The following CD99 variants were observed in gnomAD, a reference collection of about 807,000 sequenced individuals.
The protein encoded by CD99 is CD99 molecule (Xg blood group).
CD99 carries 19 observed loss-of-function variants against 28.4 expected under a neutral mutation model. The ratio of observed to expected loss-of-function variants is 0.67; its 90% CI spans 0.47 to 0.98. The LOEUF (loss-of-function observed/expected upper bound fraction) is 0.98. Among genes scored for constraint, CD99 ranks in the 50% least tolerant of loss-of-function variants. The pLI is 0.00. For synonymous variants in CD99, 103 were observed against 92.1 expected (o/e 1.12, Z -0.67); for missense variants, 283 against 248.8 (o/e 1.14, Z -0.92).
chrX:2,715,821 C>G (rs1259036756), intron 2 of CD99, among the ~76,000 whole-genome samples: 1 of 152,094 alleles, frequency 6.6e-6, no homozygotes, highest in South Asian at 2.1e-4. Context: ...ACGCTGGTCT[C>G]TTCCCTGTGT....
rs1016779751 is a variant in CD99, at chrX:2,713,155, T to C, written c.68-1267T>C. Among the ~76,000 whole-genome samples the C allele has an allele frequency of 5.3e-5, 8 of 151,242 alleles. 1 individual carries two copies. The highest frequency in any genetic ancestry group is 1.2e-4 in the Non-Finnish European group (8 of 67,864). ...ATACACACACAAACCCACATATACA[T>C]GCACCTACACACATGCACACATAAC... On this transcript the variant is annotated intron_variant, in intron 1 of 9. Transcript: ENST00000381192.
intron 1 of CD99, among the ~76,000 whole-genome samples, chrX:2,712,042 GAAA>G (rs1024574138): frequency 1.3e-5 from 2 of 151,952 alleles, no homozygotes; most frequent in African/African-American, 4.8e-5. Context: ...GTCTCAAAAA[GAAA>G]AAAGAAGGAA....
In CD99 at chrX:2,741,062, G is replaced by A; in HGVS notation, c.*258G>A. On this transcript the variant is annotated 3_prime_UTR_variant, in exon 10 of 10. Coordinates refer to ENST00000381192, the MANE Select transcript of CD99 (RefSeq NM_002414.5). Reference sequence around the variant, plus strand: ...CCGGGGGGGCGGTTTCCCATGGGATGTGAAAGGCTGGCCATTATTAAGTCC... The same window carrying A: ...CCGGGGGGGCGGTTTCCCATGGGATATGAAAGGCTGGCCATTATTAAGTCC... 1 of 543,848 alleles carries A rather than the reference G, an allele frequency of 1.8e-6. No homozygotes were observed. Among genetic ancestry groups the A allele is most frequent in the Non-Finnish European group, 3.3e-6 (1 of 304,192 alleles). 33.7% of individuals were successfully genotyped at this position (543,848 alleles called of 1,614,324 possible).
At chrX:2,703,646 G>A (rs1270644913) in intron 1 of CD99, among the ~76,000 whole-genome samples, 1 of 147,926 alleles carries the variant, frequency 6.8e-6, no homozygotes, top group Non-Finnish European at 1.5e-5. Context: ...GTGTGTGTGT[G>A]TGTGTTGGCC....
intron 1 of CD99, among the ~76,000 whole-genome samples, chrX:2,713,776 C>G (rs1290051080): frequency 1.3e-5 from 2 of 152,222 alleles, no homozygotes; most frequent in African/African-American, 4.8e-5. Flanking sequence ...ATTATCCTAA[C>G]TCTTCCTCCA....
chrX:2,693,302 C>T (rs1390574243), intron 1 of CD99, among the ~76,000 whole-genome samples: 1 of 128,456 alleles, frequency 7.8e-6, no homozygotes, highest in African/African-American at 2.9e-5. Flanking sequence ...GGAACTCCAG[C>T]TGCTGATGCT....
chrX:2,717,406 G>A (rs775269372), intron 2 of CD99, 199 bp from the exon 3 acceptor site: 35 of 576,376 alleles, frequency 6.1e-5, no homozygotes, highest in South Asian at 5.7e-4. Context: ...AACCATGGCC[G>A]GTAGCAGCCT....
At chrX:2,735,957 T>C (rs1213029193) in intron 8 of CD99, among the ~76,000 whole-genome samples, 4 of 151,790 alleles carry the variant, frequency 2.6e-5, no homozygotes, top group Admixed American at 6.6e-5. Flanking sequence ...AATCCCAGCA[T>C]TTTGGGAGGC....
chrX:2,729,275 C>A (rs1484351458), intron 8 of CD99, among the ~76,000 whole-genome samples: 1 of 152,144 alleles, frequency 6.6e-6, no homozygotes, highest in Non-Finnish European at 1.5e-5. Flanking sequence ...CTTGTGCGTG[C>A]AGACGTAGGA....
intron 8 of CD99, among the ~76,000 whole-genome samples, chrX:2,730,989 A>G (rs1380110183): frequency 3.9e-5 from 6 of 151,942 alleles, no homozygotes; most frequent in Non-Finnish European, 7.4e-5. Context: ...TATAAATACC[A>G]AGACCCTACC....
chrX:2,699,096 T>G (rs897408826), intron 1 of CD99, among the ~76,000 whole-genome samples: 1 of 149,092 alleles, frequency 6.7e-6, no homozygotes, highest in African/African-American at 2.6e-5. Context: ...CCAGCTAATC[T>G]TTTCTTTCTT....
At chrX:2,691,765 C>G (rs975931322) in intron 1 of CD99, 2 of 759,638 alleles carry the variant, frequency 2.6e-6, no homozygotes, top group Non-Finnish European at 4.9e-6. Context: ...AGCCCCTCAC[C>G]CCACCCCGTT....
chrX:2,691,575 C>T, intron 1 of CD99, 148 bp downstream of exon 1: 1 of 888,700 alleles, frequency 1.1e-6, no homozygotes, highest in South Asian at 1.4e-5. Context: ...CCACGGGGGC[C>T]CAGGCCCGGA....
chrX:2,700,155 C>T (rs1449083114), intron 1 of CD99, among the ~76,000 whole-genome samples: 4 of 152,086 alleles, frequency 2.6e-5, no homozygotes, highest in South Asian at 2.1e-4. Context: ...TCCCCAGGCA[C>T]GGCCTTGTGG....
chrX:2,693,033 G>C (rs1335739059), intron 1 of CD99, among the ~76,000 whole-genome samples: 6 of 152,186 alleles, frequency 3.9e-5, no homozygotes, highest in Non-Finnish European at 7.4e-5. Flanking sequence ...CCTAGGGACA[G>C]ATTTGCCGGC....
intron 1 of CD99, among the ~76,000 whole-genome samples, chrX:2,709,981 T>G (rs1003619341): frequency 2.0e-5 from 3 of 151,904 alleles, no homozygotes; most frequent in Admixed American, 1.3e-4. Context: ...AAAAAAAATG[T>G]GTACCACATG....
At chrX:2,727,377 C>T (rs752298088) in intron 8 of CD99, 4 of 775,652 alleles carry the variant, frequency 5.2e-6, no homozygotes, top group South Asian at 2.7e-5. Flanking sequence ...ACACAGCTAA[C>T]GTGCATGCAT....
intron 1 of CD99, among the ~76,000 whole-genome samples, chrX:2,709,677 T>C (rs1310101231): frequency 8.6e-6 from 1 of 116,198 alleles, no homozygotes; most frequent in African/African-American, 3.0e-5. Context: ...CATGAGCACA[T>C]CCACACGCGC....
chrX:2,737,163 CTG>C (rs1221423301), intron 8 of CD99, among the ~76,000 whole-genome samples: 3 of 151,982 alleles, frequency 2.0e-5, no homozygotes, highest in African/African-American at 7.2e-5. Flanking sequence ...CTGAGATTCT[CTG>C]TATTTATTTT....
Sources: allele counts gnomAD v4.1 joint callset (sites outside exome capture counted in the v4.1 genomes callset), GRCh38; gene constraint gnomAD v4.1.1; transcripts MANE v1.5; gene names NCBI Gene and HGNC (gene_info 2026-07-23, HGNC 2026-07-21).